The following C1QTNF3 variants were observed in gnomAD, a reference collection of about 807,000 sequenced individuals.
C1QTNF3 encodes the protein C1q and TNF related 3.
Under a neutral mutation model 32.6 loss-of-function variants are expected in C1QTNF3, and 26 were observed. The observed-to-expected ratio is 0.80, with a 90% CI of 0.58 to 1.11. The LOEUF (loss-of-function observed/expected upper bound fraction) is 1.11, where lower values mean the gene tolerates loss of function less well. Among genes scored for constraint, C1QTNF3 ranks in the 50% least tolerant of loss-of-function variants. The probability of loss-of-function intolerance (pLI) is 0.00; values close to 1 mark genes in which losing one functional copy is unlikely to be tolerated. For missense variants in C1QTNF3, 362 were observed against 398.2 expected (o/e 0.91, Z 0.77); for synonymous variants, 155 against 146.0 (o/e 1.06, Z -0.44).
the C1QTNF3 span, chr5:34,175,784 G>T: frequency 1.4e-6 from 1 of 700,642 alleles, no homozygotes; most frequent in Admixed American, 2.1e-5. Flanking sequence ...AAAAAATGAG[G>T]ACGGGTACAT....
the C1QTNF3 span, among the ~76,000 whole-genome samples, chr5:34,223,628 T>C: frequency 6.6e-6 from 1 of 151,420 alleles, no homozygotes. Context: ...TAGTTTACAG[T>C]CCCACCAACA....
chr5:34,043,078 G>A lies in C1QTNF3; in HGVS notation c.48C>T (p.Phe16=), dbSNP rs781072048. 1.9e-6 allele frequency: 3 copies of A among 1,613,704 alleles called. No individual in the cohort carries two copies. The highest frequency in any genetic ancestry group is 2.2e-5 in the East Asian group (1 of 44,880). Residue 16 remains phenylalanine, a synonymous_variant, in exon 1 of 6, where the codon TTC becomes TTT. Transcript: ENST00000382065. ...CATCTTGACACAGGCAAAAAGGGAG[G>A]AAAAACAAAGCCAGCAGTTGCCAAT... ...LIYWQLLALF[F]LPFCLCQDEY...
chr5:34,222,656 T>A, the C1QTNF3 span, among the ~76,000 whole-genome samples: 1 of 151,958 alleles, frequency 6.6e-6, no homozygotes, highest in Admixed American at 6.6e-5. Context: ...GCAATGAGTG[T>A]CACTTATATA....
the C1QTNF3 span, among the ~76,000 whole-genome samples, chr5:34,229,902 T>G: frequency 6.6e-6 from 1 of 152,092 alleles, no homozygotes; most frequent in Non-Finnish European, 1.5e-5. Context: ...GTTAGTGTTC[T>G]TATAAGAAAA....
the C1QTNF3 span, among the ~76,000 whole-genome samples, chr5:34,051,626 C>T: frequency 6.6e-6 from 1 of 152,230 alleles, no homozygotes; most frequent in Non-Finnish European, 1.5e-5. Flanking sequence ...TGGAAATCCT[C>T]CATTTATTTG....
At chr5:34,177,105 A>C in the C1QTNF3 span, among the ~76,000 whole-genome samples, 3 of 151,856 alleles carry the variant, frequency 2.0e-5, no homozygotes, top group Non-Finnish European at 2.9e-5. Flanking sequence ...AGGAGGAAGG[A>C]TCACTTGAGC....
the C1QTNF3 span, among the ~76,000 whole-genome samples, chr5:34,155,237 A>T: frequency 1.3e-5 from 2 of 152,214 alleles, no homozygotes; most frequent in Admixed American, 1.3e-4. Flanking sequence ...GCATGTACAC[A>T]GCATAAAGGG....
Position 34,020,454 on chromosome 5 carries a change from G to T in C1QTNF3, c.*129C>A. On this transcript the variant is annotated 3_prime_UTR_variant, in exon 6 of 6. Coordinates refer to ENST00000382065, the MANE Select transcript of C1QTNF3 (RefSeq NM_181435.6). ...AACATTATTGGTGTACCTGTAGCGT[G>T]AACAACATTGCAACCAATAATTTTT... The T allele has an allele frequency of 8.9e-7, 1 of 1,126,996 alleles. No homozygotes were observed. The highest frequency in any genetic ancestry group is 1.6e-5 in the African/African-American group (1 of 64,394). The allele number at this position is 1,126,996 out of a possible 1,614,324, so 69.8% of individuals were successfully genotyped here. A position where few individuals can be genotyped will look rare whatever the true frequency, so the allele number is the denominator to read the frequency against.
the C1QTNF3 span, among the ~76,000 whole-genome samples, chr5:34,219,004 C>A: frequency 6.6e-6 from 1 of 152,022 alleles, no homozygotes; most frequent in Non-Finnish European, 1.5e-5. Context: ...TAAATACTTT[C>A]ATTTAAACAA....
chr5:34,119,273 T>C, the C1QTNF3 span, among the ~76,000 whole-genome samples: 1 of 152,200 alleles, frequency 6.6e-6, no homozygotes, highest in Admixed American at 6.5e-5. Flanking sequence ...TAAAATGTCA[T>C]AGCTCTTTGA....
At chr5:34,166,420 A>T in the C1QTNF3 span, 1 of 152,128 alleles carries the variant, frequency 6.6e-6, no homozygotes, top group African/African-American at 2.4e-5. Context: ...AAATGGAAAA[A>T]AAAACAAAAA....
chr5:34,125,753 G>A, the C1QTNF3 span, among the ~76,000 whole-genome samples: 1 of 152,100 alleles, frequency 6.6e-6, no homozygotes, highest in Non-Finnish European at 1.5e-5. Flanking sequence ...TTTCACACGA[G>A]AGATATATGC....
At chr5:34,070,623 T>C in the C1QTNF3 span, among the ~76,000 whole-genome samples, 3 of 152,210 alleles carry the variant, frequency 2.0e-5, no homozygotes, top group East Asian at 3.9e-4. Context: ...CATTATGTAC[T>C]ACATAGAGTT....
intron 4 of C1QTNF3, among the ~76,000 whole-genome samples, chr5:34,028,447 A>G (rs75109665): frequency 4.4e-4 from 67 of 152,338 alleles, no homozygotes; most frequent in Middle Eastern, 3.4e-3. Flanking sequence ...CTTAAGAATT[A>G]TTTAGCTCAG....
At chr5:34,208,662 A>G in the C1QTNF3 span, among the ~76,000 whole-genome samples, 1 of 152,140 alleles carries the variant, frequency 6.6e-6, no homozygotes, top group African/African-American at 2.4e-5. Context: ...GTCTCTCAAA[A>G]TAACAGTATA....
At chr5:34,037,301 C>A (rs1269770578) in intron 1 of C1QTNF3, among the ~76,000 whole-genome samples, 1 of 151,046 alleles carries the variant, frequency 6.6e-6, no homozygotes, top group African/African-American at 2.4e-5. Context: ...AAAAATGAAG[C>A]AAAGGAGAGA....
At chr5:34,223,519 C>A in the C1QTNF3 span, among the ~76,000 whole-genome samples, 11,834 of 150,606 alleles carry the variant, frequency 0.079, 630 homozygotes, top group East Asian at 0.28. Context: ...ATTTATAGTC[C>A]TTTGGGTATA....
Position 34,020,725 on chromosome 5 carries a change from T to C in C1QTNF3, c.818A>G (p.Lys273Arg). The change falls in exon 6 of 6, where the codon AAA (lysine) becomes AGA (arginine). Residue 273 changes from lysine to arginine, a missense_variant. By Grantham distance (26) the Lys-to-Arg change is conservative. Transcript: ENST00000382065. ...FSMYSYEMKG[K>R]SDTSSNHAVL... ...AGCATGATTGCTGGATGTATCTGAT[T>C]TGCCCTTCATTTCATAGCTGGAAAG... 2 of 1,612,370 alleles carry C rather than the reference T, an allele frequency of 1.2e-6. No individual in the cohort carries two copies. The highest frequency in any genetic ancestry group is 1.7e-6 in the Non-Finnish European group (2 of 1,178,928).
chr5:34,197,682 C>T, the C1QTNF3 span, among the ~76,000 whole-genome samples: 1 of 152,082 alleles, frequency 6.6e-6, no homozygotes, highest in Admixed American at 6.5e-5. Context: ...TTGACCCAGG[C>T]AGCATCCCCC....
Sources: gnomAD v4.1 joint callset for allele counts (sites outside exome capture counted in the v4.1 genomes callset) on GRCh38, gnomAD v4.1.1 for gene constraint, MANE v1.5 for transcripts, NCBI Gene and HGNC (gene_info 2026-07-23, HGNC 2026-07-21) for gene names.